TTN: variants seen among roughly 807,000 people sequenced by gnomAD.
TTN encodes connectin.
Under a neutral mutation model 3,223.0 loss-of-function variants are expected in TTN, and 1,525 were observed. The ratio of observed to expected loss-of-function variants is 0.47; its 90% CI spans 0.45 to 0.49. The LOEUF is 0.49. Among genes scored for constraint, TTN ranks in the 20% least tolerant of loss-of-function variants. The pLI is 0.00. For synonymous variants in TTN, 14,094 were observed against 15,161.0 expected (o/e 0.93, Z 5.17); for missense variants, 40,786 against 43,424.0 (o/e 0.94, Z 5.40).
Position 178,756,312 on chromosome 2 carries a change from CATT to C in TTN, c.11161_11163del (p.Asn3721del). On this transcript the variant is annotated inframe_deletion, in exon 46 of 363. Transcript: ENST00000589042. ...TATAGTCCTTGGTCTACCAGCTGAACATTACATATGGTAAGAAACTGAATATTT... is the reference window on the plus strand; with the variant it reads ...TATAGTCCTTGGTCTACCAGCTGAACACATATGGTAAGAAACTGAATATTT... 1 of 1,613,872 alleles carries C rather than the reference CATT, an allele frequency of 6.2e-7. No individual in the cohort carries two copies. Among genetic ancestry groups the C allele is most frequent in the Non-Finnish European group, 8.5e-7 (1 of 1,179,776 alleles).
At chr2:178,652,391 C>A (rs1483536795) in intron 202 of TTN, 44 bp from the exon 203 acceptor site, 2 of 1,613,158 alleles carry the variant, frequency 1.2e-6, no homozygotes, top group East Asian at 4.5e-5. Context: ...TTATGAAGAC[C>A]ACTAGAAAAA....
Position 178,672,066 on chromosome 2 carries a change from T to C in TTN, c.35132A>G (p.Glu11711Gly). Residue 11711 changes from glutamate to glycine, a missense_variant, in exon 155 of 363, where the codon GAA (glutamate) becomes GGA (glycine). Physicochemically the swap from Glu to Gly is moderately conservative, Grantham distance 98. Coordinates refer to ENST00000589042, the MANE Select transcript of TTN (RefSeq NM_001267550.2). ...EFIKLEQHRV[E>G]EEHRVEKVHR... ...AACTTTTTCAACTCTGTGTTCTTCTTCAACTCTATGTTGTTCTAATTTGAT... is the reference window on the plus strand; with the variant it reads ...AACTTTTTCAACTCTGTGTTCTTCTCCAACTCTATGTTGTTCTAATTTGAT... 1 of 1,611,820 alleles carries C rather than the reference T, an allele frequency of 6.2e-7. No individual in the cohort carries two copies.
Position 178,573,808 on chromosome 2 carries a change from A to C in TTN, c.72324T>G (p.Gly24108=). 2 of 1,611,530 alleles carry C rather than the reference A, an allele frequency of 1.2e-6. No individual in the cohort carries two copies. The highest frequency in any genetic ancestry group is 1.7e-6 in the Non-Finnish European group (2 of 1,178,386). The part of the protein sequence containing the change: ...GAYTLTATNP[G]GFAKHIFNVK... ...CATTGAAAATGTGTTTAGCAAAGCC[A>C]CCAGGATTAGTCGCTGTAAGGGTAT... The change falls in exon 326 of 363, where the codon GGT becomes GGG. Residue 24108 remains glycine (G), a synonymous_variant. Coordinates refer to ENST00000589042, the MANE Select transcript of TTN (RefSeq NM_001267550.2).
rs760628135 is a variant in TTN, at chr2:178,634,062, G to A, written c.42437C>T (p.Ser14146Leu). 6.2e-7 allele frequency: 1 copy of A among 1,612,910 alleles called. No homozygotes were observed. Among genetic ancestry groups the A allele is most frequent in the Non-Finnish European group, 8.5e-7 (1 of 1,179,420 alleles). The change falls in exon 231 of 363, where the codon TCA becomes TTA. Residue 14146 changes from serine (S) to leucine (L), a missense_variant. Transcript: ENST00000589042. The surrounding 1 kb of genome is among the most constrained non-coding windows in gnomAD (Gnocchi z 4.6). ...FVTGIRLKFM[S>L]PLEDQTVKEG... ...TTTTACTGTTTGATCTTCAAGAGGT[G>A]ACATGAATTTCAGTCTTATACCTGA...
Position 178,599,547 on chromosome 2 carries a change from T to A in TTN, c.56347+7A>T. 6.4e-7 allele frequency: 1 copy of A among 1,551,780 alleles called. No homozygotes were observed. Among genetic ancestry groups the A allele is most frequent in the African/African-American group, 1.4e-5 (1 of 72,802 alleles). On this transcript the variant is annotated splice_region_variant and intron_variant, in intron 289 of 362. Transcript: ENST00000589042. Reference sequence around the variant, plus strand: ...AAGTAATTTTAACCAAACCATGCAGTCTTTACCCAGGACATTCAGTCTCAT... The same window carrying A: ...AAGTAATTTTAACCAAACCATGCAGACTTTACCCAGGACATTCAGTCTCAT...
Position 178,709,698 on chromosome 2 carries a change from C to T in TTN, c.28621G>A (p.Glu9541Lys), listed in dbSNP as rs2076382239. The T allele has an allele frequency of 6.2e-7, 1 of 1,613,884 alleles. No individual in the cohort carries two copies. Among genetic ancestry groups the T allele is most frequent in the South Asian group, 1.1e-5 (1 of 91,082 alleles). Residue 9541 changes from glutamate (E) to lysine (K), a missense_variant, in exon 99 of 363, where the codon GAA becomes AAA. Coordinates refer to ENST00000589042, the MANE Select transcript of TTN (RefSeq NM_001267550.2). ...AACGTGTTGTTCTTGAATGTTATTT[C>T]ACAGTTAGAAGTTGGTTGTATCTCT... ...NIEIQPTSNC[E>K]ITFKNNTLVL...
At chr2:178,665,032 T>A in intron 165 of TTN, 106 bp from the exon 166 acceptor site, 1 of 1,314,630 alleles carries the variant, frequency 7.6e-7, no homozygotes. Flanking sequence ...CTTTCCTCCA[T>A]CCTCCCTTTG....
At position 178,631,392 on chromosome 2, in the gene TTN, T is replaced by C; in HGVS notation, c.43748-92A>G. 2.2e-6 allele frequency: 3 copies of C among 1,343,358 alleles called. No individual in the cohort carries two copies. In the South Asian group the frequency reaches 4.3e-5, roughly 19 times the overall value. 83.2% of individuals were successfully genotyped at this position (1,343,358 alleles called of 1,614,324 possible). On this transcript the variant is annotated intron_variant, in intron 236 of 362. Coordinates refer to ENST00000589042, the MANE Select transcript of TTN (RefSeq NM_001267550.2). The stretch of plus-strand genomic sequence containing the variant: ...GTTTAAGACACAACTCACAGAGTTC[T>C]GAGTATCTTTTAAAATTGTGTCAAG...
intron 213 of TTN, 41 bp downstream of exon 213, chr2:178,649,207 A>G (rs1365607055): frequency 7.2e-7 from 1 of 1,382,294 alleles, no homozygotes. Flanking sequence ...ACATGCTTAA[A>G]TAGCAGTTAG....
chr2:178,562,147 G>A lies in TTN; in HGVS notation c.83985C>T (p.Asn27995=), dbSNP rs766611189. The A allele has an allele frequency of 4.3e-6, 7 of 1,613,016 alleles. No individual in the cohort carries two copies. Among genetic ancestry groups the A allele is most frequent in the African/African-American group, 1.3e-5 (1 of 74,894 alleles). ...TAAGAGTCTGACCATCTTTTCTCCA[G>A]TTCACAGTAGCTTGAGGTCTTCCTT... The part of the protein sequence containing the change: ...PFKGRPQATV[N]WRKDGQTLKE... Residue 27995 remains asparagine, a synonymous_variant, in exon 326 of 363, where the codon AAC becomes AAT. Coordinates refer to ENST00000589042, the MANE Select transcript of TTN (RefSeq NM_001267550.2).
chr2:178,604,151 G>A lies in TTN; in HGVS notation c.54536C>T (p.Thr18179Ile), dbSNP rs765149899. Residue 18179 changes from threonine (T) to isoleucine (I), a missense_variant, in exon 282 of 363, where the codon ACC (threonine) becomes ATC (isoleucine). Transcript: ENST00000589042. ...CCAGCTCACTAGCATTGATCCTTTG[G>A]TGCGTGCCAAAACTTTTGGTTTTCC... ...PPGKPKVLAR[T>I]KGSMLVSWTP... The A allele has an allele frequency of 6.2e-7, 1 of 1,612,274 alleles. No homozygotes were observed. The highest frequency in any genetic ancestry group is 8.5e-7 in the Non-Finnish European group (1 of 1,178,946).
At chr2:178,772,412 A>G (rs757787712) in intron 33 of TTN, among the ~76,000 whole-genome samples, 1 of 152,178 alleles carries the variant, frequency 6.6e-6, no homozygotes, top group Non-Finnish European at 1.5e-5. Flanking sequence ...TTTAAACTGT[A>G]ATGAACCAAA....
intron 160 of TTN, 30 bp from the exon 161 acceptor site, chr2:178,667,555 T>C (rs2066187565): frequency 6.3e-7 from 1 of 1,583,228 alleles, no homozygotes; most frequent in East Asian, 2.2e-5. Context: ...GTTATATTTA[T>C]AAATGGTGAA....
chr2:178,768,359 T>C (rs1314874610), intron 38 of TTN, among the ~76,000 whole-genome samples: 4 of 152,186 alleles, frequency 2.6e-5, no homozygotes, highest in Non-Finnish European at 5.9e-5. Flanking sequence ...CCAAGGACTT[T>C]TCTATTGTCT....
chr2:178,729,558 T>TG lies in TTN; in HGVS notation c.18597dup (p.Thr6200HisfsTer15). 1.2e-6 allele frequency: 2 copies of TG among 1,612,176 alleles called. No individual in the cohort carries two copies. Among genetic ancestry groups the TG allele is most frequent in the Non-Finnish European group, 1.7e-6 (2 of 1,178,910 alleles). On this transcript the variant is annotated frameshift_variant, in exon 64 of 363. Transcript: ENST00000589042. LOFTEE classifies it high-confidence loss of function. ...ACAGGCTTCAGCTCTCTGATAAAGGTGGGGGGTTCTAAAGATTCAAAAGGA... is the reference window on the plus strand; with the variant it reads ...ACAGGCTTCAGCTCTCTGATAAAGGTGGGGGGGTTCTAAAGATTCAAAAGGA...
chr2:178,772,989 G>A (rs2091753031), intron 33 of TTN, 120 bp downstream of exon 33: 1 of 1,324,296 alleles, frequency 7.6e-7, no homozygotes, highest in East Asian at 2.4e-5. Flanking sequence ...TTGGCTTTGG[G>A]AACAGCATAA....
At chr2:178,630,501 T>C in intron 238 of TTN, 134 bp from the exon 239 acceptor site, 1 of 1,210,464 alleles carries the variant, frequency 8.3e-7, no homozygotes, top group Non-Finnish European at 1.1e-6. Context: ...TGAGCTCTTT[T>C]TTTAGGAAGT....
In TTN at chr2:178,612,103, G is replaced by A. The variant is rs370782852; in HGVS notation, c.50308C>T (p.Leu16770=). The change falls in exon 267 of 363, where the codon CTA becomes TTA. Residue 16770 remains leucine (L), a synonymous_variant. Coordinates refer to ENST00000589042, the MANE Select transcript of TTN (RefSeq NM_001267550.2). ...TCATTTTTAGGTGGCTCCCACTTTA[G>A]GTCAACATGTCGTTTTGTCACATCA... is the stretch of plus-strand genomic sequence containing the variant. ...VVDVTKRHVD[L]KWEPPKNDGG... 17 of 1,611,852 alleles carry A rather than the reference G, an allele frequency of 1.1e-5. No homozygotes were observed. The African/African-American group carries it at 2.3e-4, about 22-fold the overall frequency.
At position 178,764,695 on chromosome 2, in the gene TTN, T is replaced by G. The variant is rs201696360; in HGVS notation, c.9820A>C (p.Lys3274Gln). ...GRPQPKISWY[K>Q]EEQLLSTGFK... Reference sequence around the variant, plus strand: ...CCAGTGGAAAGCAGCTGCTCTTCCTTGTACCAGGAAATTTTGGGCTGTGGT... The same window carrying G: ...CCAGTGGAAAGCAGCTGCTCTTCCTGGTACCAGGAAATTTTGGGCTGTGGT... Residue 3274 changes from lysine (K) to glutamine (Q), a missense_variant, in exon 42 of 363, where the codon AAG becomes CAG. Lys to Gln is a moderately conservative substitution (Grantham distance 53). Transcript: ENST00000589042. 6.2e-6 allele frequency: 10 copies of G among 1,614,016 alleles called. No individual in the cohort carries two copies. In the Admixed American group the frequency reaches 1.3e-4, roughly 22 times the overall value.
Sources: allele counts gnomAD v4.1 joint callset (sites outside exome capture counted in the v4.1 genomes callset), GRCh38; gene constraint gnomAD v4.1.1; non-coding constraint Gnocchi (gnomAD v3.1); transcripts MANE v1.5; gene names NCBI Gene and HGNC (gene_info 2026-07-23, HGNC 2026-07-21).